Variants in NRXN1 observed in about 807,000 individuals in gnomAD.
NRXN1 encodes the protein neurexin-1.
A neutral mutation model predicts 150.9 loss-of-function variants in NRXN1; 39 were observed. The ratio of observed to expected loss-of-function variants is 0.26; its 90% CI spans 0.20 to 0.34. The LOEUF (loss-of-function observed/expected upper bound fraction) is 0.34, where lower values mean the gene tolerates loss of function less well. Ranked by LOEUF, NRXN1 falls within the 10% of genes least tolerant of loss-of-function variation. The pLI, the probability that NRXN1 is intolerant of heterozygous loss-of-function variation, is 1.00. For synonymous variants in NRXN1, 924 were observed against 757.0 expected, an observed-to-expected ratio of 1.22 and a Z score of -3.62; for missense variants, 1,815 against 1,949.9, an observed-to-expected ratio of 0.93 and a Z score of 1.30.
chr2:50,639,432 G>A (rs1683745473), intron 5 of NRXN1, among the ~76,000 whole-genome samples: 1 of 151,650 alleles, frequency 6.6e-6, no homozygotes, highest in Non-Finnish European at 1.5e-5. Flanking sequence ...TGTTGGCCAG[G>A]CTGGTCTCGA....
intron 5 of NRXN1, among the ~76,000 whole-genome samples, chr2:50,900,685 T>C (rs1026806937): frequency 1.1e-4 from 16 of 152,114 alleles, no homozygotes; most frequent in Non-Finnish European, 1.6e-4. Flanking sequence ...GAGCCTGTAA[T>C]TGATATGACA....
chr2:50,284,796 A>G (rs1374800651), intron 17 of NRXN1, among the ~76,000 whole-genome samples: 1 of 152,166 alleles, frequency 6.6e-6, no homozygotes, highest in African/African-American at 2.4e-5. Context: ...ATACACCACA[A>G]TGTTATGAAG....
intron 19 of NRXN1, among the ~76,000 whole-genome samples, chr2:50,077,830 T>C (rs1260599805): frequency 2.0e-5 from 3 of 152,112 alleles, no homozygotes; most frequent in Non-Finnish European, 4.4e-5. Flanking sequence ...GGGCCACCAA[T>C]ATAGATAATA....
At chr2:50,088,058 T>C (rs866813826) in intron 19 of NRXN1, among the ~76,000 whole-genome samples, 11 of 152,118 alleles carry the variant, frequency 7.2e-5, no homozygotes, top group African/African-American at 2.7e-4. Flanking sequence ...GACTTGGTGG[T>C]AAAAGCTCTA....
At chr2:50,954,658 G>C (rs991630439) in intron 2 of NRXN1, among the ~76,000 whole-genome samples, 2 of 152,180 alleles carry the variant, frequency 1.3e-5, no homozygotes, top group African/African-American at 4.8e-5. Context: ...AGGGAAGCTG[G>C]AGGAATAACC....
At chr2:50,994,613 T>TA (rs1441227645) in intron 2 of NRXN1, among the ~76,000 whole-genome samples, 2 of 152,026 alleles carry the variant, frequency 1.3e-5, no homozygotes, top group Non-Finnish European at 2.9e-5. Flanking sequence ...ATTTCTAATT[T>TA]AAATGCAGTT....
rs186691174 is a variant in NRXN1, at chr2:50,960,182, T to A, written c.773-34227A>T. Among the ~76,000 whole-genome samples the A allele has an allele frequency of 2.8e-4, 43 of 152,112 alleles. 1 individual carries two copies. Among genetic ancestry groups the A allele is most frequent in the African/African-American group, 1.0e-3 (42 of 41,542 alleles). On this transcript the variant is annotated intron_variant, in intron 2 of 22. Transcript: ENST00000401669. ...ATTAAAGATCAGGTATTTATCTCCA[T>A]AAAAAGGTTAGCGAGAAAGAGAACA... is the stretch of plus-strand genomic sequence containing the variant.
chr2:50,329,495 C>T (rs1448676074), intron 17 of NRXN1, among the ~76,000 whole-genome samples: 1 of 146,966 alleles, frequency 6.8e-6, no homozygotes, highest in African/African-American at 2.5e-5. Flanking sequence ...TATTAAAAAT[C>T]TAAAAATAAC....
At chr2:50,554,297 C>A (rs571067067) in intron 8 of NRXN1, 1 of 152,062 alleles carries the variant, frequency 6.6e-6, no homozygotes. Context: ...ACCAAGACAA[C>A]GCAGCAGTTA....
At chr2:50,385,219 A>T (rs1475964496) in intron 17 of NRXN1, among the ~76,000 whole-genome samples, 1 of 152,174 alleles carries the variant, frequency 6.6e-6, no homozygotes, top group African/African-American at 2.4e-5. Context: ...TAAGAAATGA[A>T]TCTCCATTGC....
At chr2:50,455,759 G>T (rs1025144322) in intron 17 of NRXN1, among the ~76,000 whole-genome samples, 1 of 152,136 alleles carries the variant, frequency 6.6e-6, no homozygotes, top group African/African-American at 2.4e-5. Flanking sequence ...TGCAATGATT[G>T]CATGAATCTG....
intron 18 of NRXN1, among the ~76,000 whole-genome samples, chr2:50,159,474 A>G (rs558283588): frequency 1.6e-4 from 24 of 152,292 alleles, no homozygotes; most frequent in African/African-American, 5.5e-4. Flanking sequence ...ACCTATTTCA[A>G]TAATTCAATT....
rs1005424321 is a variant in NRXN1, at chr2:50,093,281, A to G, written c.3547-1787T>C. Among the ~76,000 whole-genome samples, 4 of 152,058 alleles carry G rather than the reference A, an allele frequency of 2.6e-5. No individual in the cohort carries two copies. In the South Asian group the frequency reaches 6.2e-4, roughly 24 times the overall value. The stretch of plus-strand genomic sequence containing the variant: ...GTCATGAGAAATATGGTGGAAAATA[A>G]TAAGTCCAGGGGAAAATATATACTA... On this transcript the variant is annotated intron_variant, in intron 18 of 22. Coordinates refer to ENST00000401669, the MANE Select transcript of NRXN1 (RefSeq NM_001330078.2).
chr2:50,169,095 CT>C (rs1476034608), intron 18 of NRXN1, among the ~76,000 whole-genome samples: 1 of 152,144 alleles, frequency 6.6e-6, no homozygotes, highest in Non-Finnish European at 1.5e-5. Flanking sequence ...GGCTGTGTGC[CT>C]AACATACAAT....
intron 21 of NRXN1, among the ~76,000 whole-genome samples, chr2:49,980,719 T>C (rs977672182): frequency 6.6e-6 from 1 of 152,156 alleles, no homozygotes; most frequent in Non-Finnish European, 1.5e-5. Context: ...AATTGGTTCC[T>C]ACCTCCACTG....
chr2:50,643,196 T>A (rs1447174125), intron 5 of NRXN1, among the ~76,000 whole-genome samples: 1 of 152,006 alleles, frequency 6.6e-6, no homozygotes, highest in Admixed American at 6.6e-5. Flanking sequence ...TTAAGAGCCC[T>A]GACTCCAGAA....
intron 8 of NRXN1, among the ~76,000 whole-genome samples, chr2:50,612,774 C>T (rs929193023): frequency 1.3e-5 from 2 of 152,112 alleles, no homozygotes; most frequent in Admixed American, 6.5e-5. Context: ...TCAGGGATGG[C>T]ACTCACAGCC....
chr2:50,347,128 G>C lies in NRXN1; in HGVS notation c.3365-110158C>G, dbSNP rs765180356. ...TCTTCTCGGGGTCCTGGAGTCCGCC[G>C]TGCCTAGCACCCCAAACAATCCGAA... On this transcript the variant is annotated intron_variant, in intron 17 of 22. Transcript: ENST00000401669. The surrounding 1 kb of genome is among the most constrained non-coding windows in gnomAD (Gnocchi z 4.9). 7.2e-7 allele frequency: 1 copy of C among 1,384,334 alleles called. No homozygotes were observed. Among genetic ancestry groups the C allele is most frequent in the South Asian group, 1.2e-5 (1 of 81,848 alleles). The allele number at this position is 1,384,334 out of a possible 1,614,324, so 85.8% of individuals were successfully genotyped here. A position where few individuals can be genotyped will look rare whatever the true frequency, so the allele number is the denominator to read the frequency against.
chr2:51,026,163 A>T (rs1162407867), intron 2 of NRXN1, among the ~76,000 whole-genome samples: 5 of 152,214 alleles, frequency 3.3e-5, no homozygotes, highest in Non-Finnish European at 7.3e-5. Flanking sequence ...AATCAAAGAC[A>T]TTATACAATA....
Sources: allele counts gnomAD v4.1 joint callset (sites outside exome capture counted in the v4.1 genomes callset), GRCh38; gene constraint gnomAD v4.1.1; non-coding constraint Gnocchi (gnomAD v3.1); transcripts MANE v1.5; gene names NCBI Gene and HGNC (gene_info 2026-07-23, HGNC 2026-07-21).